The following OXR1 variants were observed in gnomAD, a reference collection of about 807,000 sequenced individuals.
OXR1 encodes oxidation resistance 1.
OXR1 carries 41 observed loss-of-function variants against 104.6 expected under a neutral mutation model. The ratio of observed to expected loss-of-function variants is 0.39; its 90% CI spans 0.31 to 0.51. OXR1 has a LOEUF of 0.51. Among genes scored for constraint, OXR1 ranks in the 20% least tolerant of loss-of-function variants. The pLI, the probability that OXR1 is intolerant of heterozygous loss-of-function variation, is 0.77. For missense variants in OXR1, 955 were observed against 1,031.9 expected (o/e 0.93, Z 1.02); for synonymous variants, 348 against 348.4 (o/e 1.00, Z 0.01).
At chr8:106,523,950 A>AT (rs1000925362) in intron 3 of OXR1, among the ~76,000 whole-genome samples, 10 of 151,598 alleles carry the variant, frequency 6.6e-5, no homozygotes, top group African/African-American at 1.7e-4. Flanking sequence ...AAGTTTTTGT[A>AT]TTTTTTTAGT....
rs562549162 is a variant in OXR1 at position 106,558,033 on chromosome 8, C to T, written c.220+38894C>T. ...TTGAAGTCAGACTGGCTTTGAACTTCCGCTTTACCACTGAGTAGATTTTTT... is the reference window on the plus strand; with the variant it reads ...TTGAAGTCAGACTGGCTTTGAACTTTCGCTTTACCACTGAGTAGATTTTTT... On this transcript the variant is annotated intron_variant, in intron 3 of 16. Transcript: ENST00000517566. 1.2e-4 allele frequency among the ~76,000 whole-genome samples: 18 copies of T among 152,286 alleles called. No individual in the cohort carries two copies. The South Asian group carries it at 3.5e-3, about 30-fold the overall frequency.
intron 3 of OXR1, among the ~76,000 whole-genome samples, chr8:106,563,650 C>T (rs1350528942): frequency 1.3e-5 from 2 of 152,152 alleles, no homozygotes; most frequent in African/African-American, 2.4e-5. Flanking sequence ...TAATAAACAT[C>T]TACAGAGCTC....
chr8:106,694,211 A>G (rs537825337), intron 7 of OXR1, among the ~76,000 whole-genome samples: 2 of 151,700 alleles, frequency 1.3e-5, no homozygotes, highest in East Asian at 1.9e-4. Context: ...TAAGAGACAC[A>G]TTATATTTGT....
In OXR1 at chr8:106,389,831, C is replaced by T. The variant is rs539687674; in HGVS notation, c.23+30195C>T. ...CTGTAATTCTAGCACTTTAGGAGGC[C>T]GAGGTGGGTGGATCACTTGAGGTCA... On this transcript the variant is annotated intron_variant, in intron 2 of 16. Coordinates refer to ENST00000517566, the MANE Select transcript of OXR1 (RefSeq NM_001198533.2). 5.5e-4 allele frequency among the ~76,000 whole-genome samples: 84 copies of T among 152,118 alleles called. No homozygotes were observed. In the South Asian group the frequency reaches 0.017, roughly 30 times the overall value.
intron 2 of OXR1, among the ~76,000 whole-genome samples, chr8:106,450,609 A>T (rs761398882): frequency 7.2e-5 from 11 of 152,176 alleles, no homozygotes; most frequent in Non-Finnish European, 1.5e-4. Flanking sequence ...ACTGTACACA[A>T]CAAACTGCCA....
intron 2 of OXR1, among the ~76,000 whole-genome samples, chr8:106,475,889 T>C (rs955608425): frequency 4.6e-5 from 7 of 151,982 alleles, no homozygotes; most frequent in African/African-American, 9.7e-5. Flanking sequence ...TTTCTCACCT[T>C]TCTTTTTTTG....
At chr8:106,436,597 T>C (rs562792166) in intron 2 of OXR1, among the ~76,000 whole-genome samples, 4 of 152,202 alleles carry the variant, frequency 2.6e-5, no homozygotes, top group African/African-American at 7.2e-5. Flanking sequence ...TAAGTTTTAA[T>C]GGTTTAATGG....
At chr8:106,485,614 T>C (rs917148708) in intron 2 of OXR1, among the ~76,000 whole-genome samples, 1 of 152,092 alleles carries the variant, frequency 6.6e-6, no homozygotes, top group Non-Finnish European at 1.5e-5. Flanking sequence ...GCAATCTCAT[T>C]ACTAGGTATA....
chr8:106,713,853 G>T lies in OXR1; in HGVS notation c.1824G>T (p.Gln608His). ...ATCACTTGTATGCCTTCTTCATTCA[G>T]TGGAGTCCAGAAATATATGCAGAAG... ...RTDHLYAFFI[Q>H]WSPEIYAEDT... Residue 608 changes from glutamine (Q) to histidine (H), a missense_variant, in exon 11 of 17, where the codon CAG becomes CAT. By Grantham distance (24) the Gln-to-His change is conservative. This residue lies in a region of OXR1 where 849 missense variants were observed against 852.9 expected (regional missense o/e 1.00). Transcript: ENST00000517566. The T allele has an allele frequency of 1.3e-6, 2 of 1,576,294 alleles. No individual in the cohort carries two copies. Among genetic ancestry groups the T allele is most frequent in the Non-Finnish European group, 1.7e-6 (2 of 1,168,438 alleles).
intron 2 of OXR1, among the ~76,000 whole-genome samples, chr8:106,419,742 G>GTTT (rs1287877155): frequency 6.6e-6 from 1 of 152,018 alleles, no homozygotes; most frequent in Non-Finnish European, 1.5e-5. Context: ...GTCACTGGAT[G>GTTT]TTTTTCTTTG....
chr8:106,667,349 G>C (rs536759712), intron 3 of OXR1, among the ~76,000 whole-genome samples: 130 of 152,272 alleles, frequency 8.5e-4, no homozygotes, highest in Non-Finnish European at 1.6e-3. Context: ...TCAAACTCTT[G>C]CTGAATTTAG....
At chr8:106,736,169 C>A (rs1429676824) in intron 11 of OXR1, among the ~76,000 whole-genome samples, 1 of 150,808 alleles carries the variant, frequency 6.6e-6, no homozygotes, top group African/African-American at 2.4e-5. Context: ...TCTGACACCC[C>A]CCCCCATCCG....
intron 1 of OXR1, among the ~76,000 whole-genome samples, chr8:106,342,068 T>G (rs1815276874): frequency 6.6e-6 from 1 of 151,100 alleles, no homozygotes; most frequent in South Asian, 2.1e-4. Flanking sequence ...CTTTTTTTTT[T>G]GTTGTAGAGA....
At chr8:106,388,028 A>G (rs1242836267) in intron 2 of OXR1, among the ~76,000 whole-genome samples, 2 of 152,162 alleles carry the variant, frequency 1.3e-5, no homozygotes, top group Non-Finnish European at 2.9e-5. Context: ...CCAGGGGTAA[A>G]TCCCTTGGGG....
chr8:106,338,856 G>A (rs1432503764), intron 1 of OXR1, among the ~76,000 whole-genome samples: 1 of 151,670 alleles, frequency 6.6e-6, no homozygotes, highest in Non-Finnish European at 1.5e-5. Context: ...CTCTCTCTCT[G>A]TAACTCTCTC....
intron 15 of OXR1, among the ~76,000 whole-genome samples, chr8:106,744,633 G>T (rs996295005): frequency 6.6e-6 from 1 of 152,136 alleles, no homozygotes; most frequent in Non-Finnish European, 1.5e-5. Flanking sequence ...TGGCTTTACT[G>T]TGGCTTGACT....
At chr8:106,629,901 T>C (rs1030925576) in intron 3 of OXR1, among the ~76,000 whole-genome samples, 1 of 152,084 alleles carries the variant, frequency 6.6e-6, no homozygotes, top group African/African-American at 2.4e-5. Flanking sequence ...TGGGAGAAAA[T>C]AGTAATAATG....
chr8:106,302,892 C>T (rs1183846564), intron 1 of OXR1, among the ~76,000 whole-genome samples: 4 of 151,012 alleles, frequency 2.6e-5, no homozygotes, highest in Non-Finnish European at 5.9e-5. Context: ...GCTGGGACTA[C>T]AGGCGCCCGC....
At chr8:106,528,793 T>C (rs1813879629) in intron 3 of OXR1, among the ~76,000 whole-genome samples, 2 of 152,214 alleles carry the variant, frequency 1.3e-5, no homozygotes, top group Non-Finnish European at 2.9e-5. Flanking sequence ...TGGAACGTTC[T>C]CTCCAAGTTA....
Sources: gnomAD v4.1 joint callset for allele counts (sites outside exome capture counted in the v4.1 genomes callset) on GRCh38, gnomAD v4.1.1 for gene constraint, gnomAD v4.1.1 regional missense constraint, MANE v1.5 for transcripts, NCBI Gene and HGNC (gene_info 2026-07-23, HGNC 2026-07-21) for gene names.